Variants in SYNPO observed in about 807,000 individuals in gnomAD.
The protein encoded by SYNPO is synaptopodin.
SYNPO carries 19 observed loss-of-function variants against 49.5 expected under a neutral mutation model. That is an observed-to-expected ratio of 0.38 (90% CI 0.27 to 0.56). The LOEUF (loss-of-function observed/expected upper bound fraction) is 0.56, where lower values mean the gene tolerates loss of function less well. SYNPO is among the 20% of genes least tolerant of loss of function. The pLI, the probability that SYNPO is intolerant of heterozygous loss-of-function variation, is 0.68. For missense variants in SYNPO, 1,131 were observed against 1,248.3 expected (o/e 0.91, Z 1.42); for synonymous variants, 536 against 548.0 (o/e 0.98, Z 0.31).
intron 2 of SYNPO, among the ~76,000 whole-genome samples, chr5:150,621,527 C>T (rs1757173475): frequency 6.6e-6 from 1 of 152,148 alleles, no homozygotes; most frequent in African/African-American, 2.4e-5. Context: ...GGCTGTGGGG[C>T]TGCCAGGTTA....
intron 1 of SYNPO, among the ~76,000 whole-genome samples, chr5:150,603,971 G>T (rs1490724002): frequency 3.3e-5 from 5 of 152,226 alleles, no homozygotes; most frequent in Admixed American, 6.5e-5. Flanking sequence ...TTGGAGTTGG[G>T]CTTCCTGGAG....
chr5:150,618,088 T>G, intron 1 of SYNPO: 1 of 366,662 alleles, frequency 2.7e-6, no homozygotes, highest in African/African-American at 2.1e-5. Flanking sequence ...GTTTCTTTCT[T>G]CCCTATGCCG....
At chr5:150,619,967 G>A (rs563388388) in intron 2 of SYNPO, among the ~76,000 whole-genome samples, 11 of 152,166 alleles carry the variant, frequency 7.2e-5, no homozygotes, top group Admixed American at 4.6e-4. Flanking sequence ...TGAACTTGGA[G>A]GTGGGCCCTC....
At chr5:150,602,966 TAC>T (rs1260744522) in intron 1 of SYNPO, among the ~76,000 whole-genome samples, 1 of 150,268 alleles carries the variant, frequency 6.7e-6, no homozygotes, top group African/African-American at 2.5e-5. Context: ...ATTCTGTGAT[TAC>T]AGAGTGGAAA....
intron 1 of SYNPO, among the ~76,000 whole-genome samples, chr5:150,607,755 A>G (rs1291272285): frequency 1.3e-5 from 2 of 150,752 alleles, no homozygotes; most frequent in African/African-American, 4.9e-5. Flanking sequence ...ATATTACATT[A>G]TCTAGCAGGT....
intron 2 of SYNPO, among the ~76,000 whole-genome samples, chr5:150,634,481 G>C (rs2151391309): frequency 6.6e-6 from 1 of 152,234 alleles, no homozygotes; most frequent in South Asian, 2.1e-4. Flanking sequence ...GCTATGGTAG[G>C]CATTTCATAT....
In SYNPO at chr5:150,657,122, G is replaced by A; in HGVS notation, c.*35G>A. 6.5e-7 allele frequency: 1 copy of A among 1,543,432 alleles called. No homozygotes were observed. Among genetic ancestry groups the A allele is most frequent in the South Asian group, 1.2e-5 (1 of 83,714 alleles). On this transcript the variant is annotated 3_prime_UTR_variant, in exon 3 of 3. Transcript: ENST00000307662. ...CCCGACCCCACCCCGGGAGGGCAGA[G>A]CCAGAAGAAGGCTCATTAGACCTGG...
At chr5:150,612,236 G>C (rs1756867735) in intron 1 of SYNPO, among the ~76,000 whole-genome samples, 1 of 152,156 alleles carries the variant, frequency 6.6e-6, no homozygotes, top group Non-Finnish European at 1.5e-5. Context: ...TGGTGGGCAG[G>C]TGCACCTGAG....
chr5:150,646,332 C>G (rs1203661771), intron 1 of SYNPO, among the ~76,000 whole-genome samples: 2 of 151,992 alleles, frequency 1.3e-5, no homozygotes, highest in African/African-American at 4.8e-5. Flanking sequence ...GAGCAAGACC[C>G]TGTCTCAGAA....
intron 1 of SYNPO, among the ~76,000 whole-genome samples, chr5:150,611,594 C>T (rs1056924126): frequency 1.3e-5 from 2 of 152,150 alleles, no homozygotes; most frequent in African/African-American, 2.4e-5. Flanking sequence ...TCCCTTCTGC[C>T]CCAGGAGGTG....
At chr5:150,651,801 T>G in intron 2 of SYNPO, 1 of 1,000,356 alleles carries the variant, frequency 1.0e-6, no homozygotes, top group Non-Finnish European at 1.2e-6. Context: ...ACAGTGAGGG[T>G]GTTAAGTCAG....
the SYNPO span, among the ~76,000 whole-genome samples, chr5:150,587,212 A>G: frequency 2.0e-5 from 3 of 151,748 alleles, no homozygotes; most frequent in Admixed American, 1.3e-4. Flanking sequence ...GGATGGATAT[A>G]GGGATGCATG....
chr5:150,610,107 G>A (rs1756806788), intron 1 of SYNPO, among the ~76,000 whole-genome samples: 1 of 152,240 alleles, frequency 6.6e-6, no homozygotes, highest in Admixed American at 6.5e-5. Context: ...CTGGTTCTGT[G>A]AGCAGGCTGG....
chr5:150,586,571 AGGAT>A, the SYNPO span, among the ~76,000 whole-genome samples: 1,131 of 149,802 alleles, frequency 7.5e-3, 19 homozygotes, highest in East Asian at 0.061. Context: ...GGTGGATGGA[AGGAT>A]GGATGGATGG....
chr5:150,645,831 A>G (rs1158442887), intron 1 of SYNPO, among the ~76,000 whole-genome samples: 4 of 150,696 alleles, frequency 2.7e-5, no homozygotes, highest in South Asian at 2.1e-4. Context: ...TCTTGTGCAG[A>G]TAAAATAAAA....
rs1758561390 is a variant in SYNPO, at chr5:150,656,564, C to T, written c.2189C>T (p.Pro730Leu). The change falls in exon 3 of 3, where the codon CCC becomes CTC. Residue 730 changes from proline to leucine, a missense_variant. Physicochemically the swap from Pro to Leu is moderately conservative, Grantham distance 98. Around this residue, in one of 4 missense-constraint regions of SYNPO, gnomAD observed 509 missense variants for 484.5 expected, o/e 1.05. Coordinates refer to ENST00000307662, the MANE Select transcript of SYNPO (RefSeq NM_007286.6). ...PPLPPPPPMS[P>L]SWSERSVSPL... ...CTGCCGCCGCCACCGCCCATGTCTC[C>T]CTCGTGGAGCGAGCGCTCGGTGTCC... The T allele has an allele frequency of 6.6e-7, 1 of 1,522,606 alleles. No homozygotes were observed. The allele number at this position is 1,522,606 out of a possible 1,614,324, so 94.3% of individuals were successfully genotyped here.
rs755694682 is a variant in SYNPO at position 150,649,653 on chromosome 5, C to G, written c.1378C>G (p.Arg460Gly). 5.0e-6 allele frequency: 8 copies of G among 1,609,338 alleles called. No homozygotes were observed. The Admixed American group carries it at 5.0e-5, about 10-fold the overall frequency. ...GTGGGCCTCCTGCCTCAAGTCACCC[C>G]GCATCCAGGCCAAGCCGAAGCCCAA... Reference protein sequence around the residue: ...PEWASCLKSPRIQAKPKPKPN... With the variant: ...PEWASCLKSPGIQAKPKPKPN... Residue 460 changes from arginine (R) to glycine (G), a missense_variant, in exon 2 of 3, where the codon CGC becomes GGC. Around this residue, in one of 4 missense-constraint regions of SYNPO, gnomAD observed 602 missense variants for 720.7 expected, o/e 0.84. Coordinates refer to ENST00000307662, the MANE Select transcript of SYNPO (RefSeq NM_007286.6).
In SYNPO at chr5:150,605,329, G is replaced by A. The variant is rs369099047; in HGVS notation, c.-266+4141G>A. Among the ~76,000 whole-genome samples, 189 of 152,312 alleles carry A rather than the reference G, an allele frequency of 1.2e-3. 9 individuals carry two copies. The South Asian group carries it at 0.038, about 31-fold the overall frequency. Reference sequence around the variant, plus strand: ...TTCTCCCTGAGTCTCCCAGGTTGGCGGGTGGTCAGGACTAGCACTCTTCCT... The same window carrying A: ...TTCTCCCTGAGTCTCCCAGGTTGGCAGGTGGTCAGGACTAGCACTCTTCCT... On this transcript the variant is annotated intron_variant, in intron 1 of 2. Coordinates refer to the SYNPO transcript ENST00000394243.
At chr5:150,644,322 G>A (rs1248689887) in intron 1 of SYNPO, among the ~76,000 whole-genome samples, 2 of 152,200 alleles carry the variant, frequency 1.3e-5, no homozygotes, top group Non-Finnish European at 2.9e-5. Flanking sequence ...TTGTTTTGAA[G>A]ATGCAAGAAT....
Sources: gnomAD v4.1 joint callset for allele counts (sites outside exome capture counted in the v4.1 genomes callset) on GRCh38, gnomAD v4.1.1 for gene constraint, gnomAD v4.1.1 regional missense constraint, MANE v1.5 for transcripts, NCBI Gene and HGNC (gene_info 2026-07-23, HGNC 2026-07-21) for gene names.